The following CHST8 variants were observed in gnomAD, a reference collection of about 807,000 sequenced individuals.
CHST8 encodes the protein carbohydrate sulfotransferase 8, also known as GALNAC-4-ST1.
In CHST8, 10 loss-of-function variants were observed where a neutral mutation model predicts 15.0. The observed-to-expected ratio is 0.67, with a 90% CI of 0.41 to 1.13. The LOEUF (loss-of-function observed/expected upper bound fraction) is 1.13. Ranked by LOEUF, CHST8 falls within the 50% of genes most tolerant of loss-of-function variation. The pLI is 0.00. For missense variants in CHST8, 634 were observed against 608.2 expected (o/e 1.04, Z -0.45); for synonymous variants, 259 against 256.6 (o/e 1.01, Z -0.09).
chr19:33,645,338 A>G (rs1972339015), intron 1 of CHST8, among the ~76,000 whole-genome samples: 1 of 152,192 alleles, frequency 6.6e-6, no homozygotes, highest in African/African-American at 2.4e-5. Context: ...GGTTTTGAAC[A>G]GAGAAGTGCA....
intron 2 of CHST8, among the ~76,000 whole-genome samples, chr19:33,670,525 G>A (rs1310870070): frequency 2.0e-5 from 3 of 152,150 alleles, no homozygotes; most frequent in Non-Finnish European, 4.4e-5. Context: ...GGTAGCCCAG[G>A]GCCAGCGCTG....
chr19:33,727,892 T>G (rs1347480049), intron 3 of CHST8, among the ~76,000 whole-genome samples: 3 of 152,232 alleles, frequency 2.0e-5, no homozygotes, highest in Non-Finnish European at 4.4e-5. Flanking sequence ...TGCTGGGCCC[T>G]TCACTCGGCT....
chr19:33,683,809 A>G (rs1477726145), intron 2 of CHST8, among the ~76,000 whole-genome samples: 1 of 152,188 alleles, frequency 6.6e-6, no homozygotes, highest in Non-Finnish European at 1.5e-5. Flanking sequence ...TCCCACAGTG[A>G]GGGAAGGGCT....
At chr19:33,671,709 C>A (rs1464820087) in intron 2 of CHST8, among the ~76,000 whole-genome samples, 1 of 152,026 alleles carries the variant, frequency 6.6e-6, no homozygotes, top group East Asian at 1.9e-4. Context: ...CCCAGTCCTC[C>A]TCCCCCTACT....
In CHST8 at chr19:33,772,496, G is replaced by C. The variant is rs376831266; in HGVS notation, c.708G>C (p.Leu236=). 2 of 1,613,772 alleles carry C rather than the reference G, an allele frequency of 1.2e-6. No homozygotes were observed. Among genetic ancestry groups the C allele is most frequent in the Non-Finnish European group, 1.7e-6 (2 of 1,180,016 alleles). The part of the protein sequence containing the change: ...TVHYGSALKR[L]DTFDRQGILH... The stretch of plus-strand genomic sequence containing the variant: ...ACTATGGCAGCGCTCTCAAGCGCCT[G>C]GACACCTTCGACCGCCAGGGTATCT... Residue 236 remains leucine, a synonymous_variant, in exon 5 of 5, where the codon CTG becomes CTC. Transcript: ENST00000650847.
intron 1 of CHST8, among the ~76,000 whole-genome samples, chr19:33,629,435 C>A (rs1248942392): frequency 6.6e-6 from 1 of 152,274 alleles, no homozygotes; most frequent in Non-Finnish European, 1.5e-5. Context: ...ACCTGTTGCA[C>A]CCTCTGGGAG....
At chr19:33,766,558 G>T (rs954328805) in intron 3 of CHST8, among the ~76,000 whole-genome samples, 1 of 152,202 alleles carries the variant, frequency 6.6e-6, no homozygotes, top group Non-Finnish European at 1.5e-5. Context: ...CCTAATGGGG[G>T]CATGGAAGCA....
At chr19:33,629,711 T>C (rs1172671804) in intron 1 of CHST8, among the ~76,000 whole-genome samples, 2 of 152,230 alleles carry the variant, frequency 1.3e-5, no homozygotes, top group Admixed American at 1.3e-4. Flanking sequence ...TTGTCCTCAC[T>C]GTCTGGGCCT....
At chr19:33,646,127 CAA>C (rs55998520) in intron 1 of CHST8, among the ~76,000 whole-genome samples, 2 of 151,250 alleles carry the variant, frequency 1.3e-5, no homozygotes, top group African/African-American at 2.4e-5. Context: ...GACTCTGTCT[CAA>C]AAAAAAACAA....
chr19:33,720,497 A>G (rs1208565114), intron 3 of CHST8, among the ~76,000 whole-genome samples: 1 of 152,136 alleles, frequency 6.6e-6, no homozygotes, highest in African/African-American at 2.4e-5. Flanking sequence ...CACACCACAC[A>G]CACCACATAT....
At chr19:33,656,395 A>G (rs75470049) in intron 1 of CHST8, among the ~76,000 whole-genome samples, 5,603 of 152,322 alleles carry the variant, frequency 0.037, 168 homozygotes, top group South Asian at 0.1. Flanking sequence ...AATAAAGTAC[A>G]TCTTAGAATG....
intron 1 of CHST8, among the ~76,000 whole-genome samples, chr19:33,633,935 A>G (rs935919173): frequency 6.6e-6 from 1 of 151,916 alleles, no homozygotes; most frequent in Non-Finnish European, 1.5e-5. Context: ...AGTAACTGGG[A>G]CCACAGGTGT....
At chr19:33,704,464 T>G (rs970645420) in intron 3 of CHST8, among the ~76,000 whole-genome samples, 1 of 150,966 alleles carries the variant, frequency 6.6e-6, no homozygotes, top group Non-Finnish European at 1.5e-5. Context: ...GACCACAGGA[T>G]GGGGGAAAGG....
At chr19:33,642,450 C>T (rs1183603163) in intron 1 of CHST8, among the ~76,000 whole-genome samples, 1 of 152,122 alleles carries the variant, frequency 6.6e-6, no homozygotes, top group Non-Finnish European at 1.5e-5. Context: ...GCAACCTCTG[C>T]CTCCTGGGTT....
rs536751345 is a variant in CHST8, at chr19:33,710,795, A to G, written c.130+21404A>G. On this transcript the variant is annotated intron_variant, in intron 3 of 4. Transcript: ENST00000650847. ...GAAAGCAGCCCCAGGCTACAATGCC[A>G]TAACCTCACACTGTTCAGTAGATTT... Among the ~76,000 whole-genome samples the G allele has an allele frequency of 1.1e-3, 169 of 152,234 alleles. 1 individual carries two copies. The highest frequency in any genetic ancestry group is 3.8e-3 in the Admixed American group (58 of 15,296).
At chr19:33,733,936 A>G (rs1420284750) in intron 3 of CHST8, among the ~76,000 whole-genome samples, 1 of 152,222 alleles carries the variant, frequency 6.6e-6, no homozygotes, top group Admixed American at 6.5e-5. Flanking sequence ...TCTATGAGGC[A>G]AGCCTCCTCT....
chr19:33,698,710 A>G (rs1973271672), intron 3 of CHST8, among the ~76,000 whole-genome samples: 2 of 152,052 alleles, frequency 1.3e-5, no homozygotes, highest in African/African-American at 4.8e-5. Flanking sequence ...CACAGGTTCC[A>G]TTTGGGGCTT....
intron 1 of CHST8, among the ~76,000 whole-genome samples, chr19:33,649,062 C>T (rs7245407): frequency 0.57 from 85,781 of 151,512 alleles, 24,720 homozygotes; most frequent in East Asian, 0.8. Flanking sequence ...CGCAACTAAG[C>T]CCGGCTAATT....
At chr19:33,653,273 T>C (rs991931307) in intron 1 of CHST8, among the ~76,000 whole-genome samples, 1 of 152,176 alleles carries the variant, frequency 6.6e-6, no homozygotes, top group Non-Finnish European at 1.5e-5. Flanking sequence ...TGATAGTTAT[T>C]TTCCTTTAGC....
Sources: gnomAD v4.1 joint callset for allele counts (sites outside exome capture counted in the v4.1 genomes callset) on GRCh38, gnomAD v4.1.1 for gene constraint, MANE v1.5 for transcripts, NCBI Gene and HGNC (gene_info 2026-07-23, HGNC 2026-07-21) for gene names.